The following RANBP17 variants were observed in gnomAD, a reference collection of about 807,000 sequenced individuals.
The protein encoded by RANBP17 is RAN binding protein 17.
Under a neutral mutation model 141.2 loss-of-function variants are expected in RANBP17, and 158 were observed. The ratio of observed to expected loss-of-function variants is 1.12; its 90% confidence interval spans 0.98 to 1.28. RANBP17 has a LOEUF of 1.28. Among genes scored for constraint, RANBP17 ranks in the 50% most tolerant of loss-of-function variants. RANBP17 has a pLI of 0.00. For synonymous variants in RANBP17, 430 were observed against 450.0 expected, an observed-to-expected ratio of 0.96 and a Z score of 0.56; for missense variants, 1,438 against 1,290.7, an observed-to-expected ratio of 1.11 and a Z score of -1.75.
chr5:171,267,918 T>A (rs900173152), intron 25 of RANBP17, among the ~76,000 whole-genome samples: 8 of 152,224 alleles, frequency 5.3e-5, no homozygotes, highest in African/African-American at 1.9e-4. Context: ...AATATTTAAA[T>A]GAAATTATGT....
At chr5:170,941,955 G>A (rs1774356594) in intron 12 of RANBP17, among the ~76,000 whole-genome samples, 2 of 152,162 alleles carry the variant, frequency 1.3e-5, no homozygotes, top group Admixed American at 1.3e-4. Flanking sequence ...AGGCCATGAA[G>A]CGGTACTGGT....
intron 14 of RANBP17, among the ~76,000 whole-genome samples, chr5:171,168,844 TTCTCTC>T (rs148930265): frequency 4.0e-5 from 6 of 149,334 alleles, no homozygotes; most frequent in Non-Finnish European, 1.5e-5. Flanking sequence ...CTCTCTCTGT[TTCTCTC>T]TCTCTCTCTC....
intron 4 of RANBP17, among the ~76,000 whole-genome samples, chr5:170,893,466 G>C (rs1304733261): frequency 6.6e-6 from 1 of 152,088 alleles, no homozygotes; most frequent in Non-Finnish European, 1.5e-5. Flanking sequence ...TTCCCAAGTA[G>C]AAGAGAACTA....
intron 24 of RANBP17, among the ~76,000 whole-genome samples, chr5:171,262,381 C>T (rs936461719): frequency 2.0e-5 from 3 of 152,138 alleles, no homozygotes; most frequent in African/African-American, 7.2e-5. Flanking sequence ...AGTTGTAAAA[C>T]CAAAGCTCCC....
At position 171,199,773 on chromosome 5, in the gene RANBP17, G is replaced by A. The variant is rs776771070; in HGVS notation, c.2142G>A (p.Lys714=). The change falls in exon 19 of 28, where the codon AAG becomes AAA. Residue 714 remains lysine (K), a splice_region_variant and synonymous_variant. Transcript: ENST00000523189. The part of the protein sequence containing the change: ...FNNNFKQEDV[K]RMLIGLARDL... ...ACAACTTTAAACAAGAAGATGTAAA[G>A]GTGGGTTTGTTTCCAAATATGAGGA... 6.4e-7 allele frequency: 1 copy of A among 1,572,036 alleles called. No individual in the cohort carries two copies. Among genetic ancestry groups the A allele is most frequent in the East Asian group, 2.3e-5 (1 of 44,264 alleles).
At chr5:170,941,315 T>C (rs1268151879) in intron 12 of RANBP17, among the ~76,000 whole-genome samples, 1 of 152,000 alleles carries the variant, frequency 6.6e-6, no homozygotes, top group East Asian at 1.9e-4. Context: ...GTTAGATCTT[T>C]AAAAAGACAA....
Position 171,205,559 on chromosome 5 carries a change from G to A in RANBP17, c.2178G>A (p.Gly726=). ...TCGGGCTGGCAAGAGATCTTCGAGG[G>A]ATTGCCTTTGCACTGAACACAAAGA... ...MLIGLARDLR[G]IAFALNTKTS... Residue 726 remains glycine (G), a synonymous_variant, in exon 20 of 28, where the codon GGG becomes GGA. Coordinates refer to ENST00000523189, the MANE Select transcript of RANBP17 (RefSeq NM_022897.5). 6.2e-7 allele frequency: 1 copy of A among 1,614,012 alleles called. No homozygotes were observed. The highest frequency in any genetic ancestry group is 1.1e-5 in the South Asian group (1 of 91,082).
At chr5:171,143,163 CTG>C (rs1236303944) in intron 14 of RANBP17, 1 of 152,202 alleles carries the variant, frequency 6.6e-6, no homozygotes, top group African/African-American at 2.4e-5. Flanking sequence ...AAATAATCCA[CTG>C]TGGGAAAACA....
intron 14 of RANBP17, among the ~76,000 whole-genome samples, chr5:171,095,058 G>T (rs1274133205): frequency 2.0e-5 from 3 of 152,146 alleles, no homozygotes; most frequent in Non-Finnish European, 2.9e-5. Context: ...CTTGTCAGAT[G>T]CTGGTACCAT....
chr5:170,921,288 CA>C (rs1281296739), intron 11 of RANBP17, among the ~76,000 whole-genome samples: 2 of 152,124 alleles, frequency 1.3e-5, no homozygotes, highest in Non-Finnish European at 2.9e-5. Context: ...GGAAGGAATC[CA>C]GTTTCAGCTT....
intron 14 of RANBP17, among the ~76,000 whole-genome samples, chr5:170,988,300 A>G (rs1778288060): frequency 6.7e-6 from 1 of 150,134 alleles, no homozygotes; most frequent in African/African-American, 2.4e-5. Context: ...TTTTTTTTTT[A>G]AGTAAGGGAG....
chr5:170,905,469 T>G (rs973497606), intron 5 of RANBP17, among the ~76,000 whole-genome samples: 1 of 152,128 alleles, frequency 6.6e-6, no homozygotes, highest in African/African-American at 2.4e-5. Flanking sequence ...AAAGAACCAT[T>G]TTCTACTTGT....
chr5:170,955,645 A>T (rs374474318), intron 13 of RANBP17, among the ~76,000 whole-genome samples: 2 of 34,132 alleles, frequency 5.9e-5, no homozygotes, highest in African/African-American at 1.4e-4. Context: ...ATATATGCTC[A>T]GTGTATATAT....
intron 14 of RANBP17, among the ~76,000 whole-genome samples, chr5:171,075,931 C>T (rs1019118821): frequency 6.6e-6 from 1 of 151,646 alleles, no homozygotes; most frequent in East Asian, 1.9e-4. Context: ...GCAGCCTGGG[C>T]GTCAGAGTGA....
chr5:171,091,837 A>G (rs370175388), intron 14 of RANBP17, among the ~76,000 whole-genome samples: 1 of 152,198 alleles, frequency 6.6e-6, no homozygotes, highest in Non-Finnish European at 1.5e-5. Flanking sequence ...CCTCAGCCAC[A>G]TGGAACTGTA....
At chr5:171,153,388 T>G (rs1451450075) in intron 14 of RANBP17, among the ~76,000 whole-genome samples, 1 of 152,228 alleles carries the variant, frequency 6.6e-6, no homozygotes, top group Admixed American at 6.5e-5. Flanking sequence ...TTTCATTTAT[T>G]ATACAAATAC....
At chr5:171,231,198 C>T (rs1764189904) in intron 22 of RANBP17, among the ~76,000 whole-genome samples, 1 of 151,396 alleles carries the variant, frequency 6.6e-6, no homozygotes, top group South Asian at 2.1e-4. Context: ...ATCCTCCGCA[C>T]TCAGCCTCCC....
chr5:171,089,068 T>C (rs1785957595), intron 14 of RANBP17, among the ~76,000 whole-genome samples: 1 of 151,986 alleles, frequency 6.6e-6, no homozygotes, highest in African/African-American at 2.4e-5. Flanking sequence ...GTTTTTCTGC[T>C]CTGTTTTTTC....
At chr5:170,955,466 C>CTATATA (rs10610368) in intron 13 of RANBP17, among the ~76,000 whole-genome samples, 97 of 123,076 alleles carry the variant, frequency 7.9e-4, no homozygotes, top group African/African-American at 3.0e-3. Context: ...ATATATATAT[C>CTATATA]TATATATATA....
Sources: gnomAD v4.1 joint callset for allele counts (sites outside exome capture counted in the v4.1 genomes callset) on GRCh38, gnomAD v4.1.1 for gene constraint, MANE v1.5 for transcripts, NCBI Gene and HGNC (gene_info 2026-07-23, HGNC 2026-07-21) for gene names.